WDR11: variants seen among roughly 807,000 people sequenced by gnomAD.
The protein encoded by WDR11 is WD repeat-containing protein 11.
WDR11 carries 83 observed loss-of-function variants against 151.2 expected under a neutral mutation model. The ratio of observed to expected loss-of-function variants is 0.55; its 90% CI spans 0.46 to 0.66. The LOEUF (loss-of-function observed/expected upper bound fraction) is 0.66, where lower values mean the gene tolerates loss of function less well. Among genes scored for constraint, WDR11 ranks in the 30% least tolerant of loss-of-function variants. WDR11 has a pLI of 0.00. For synonymous variants in WDR11, 484 were observed against 533.1 expected, an observed-to-expected ratio of 0.91 and a Z score of 1.27; for missense variants, 1,301 against 1,480.9, an observed-to-expected ratio of 0.88 and a Z score of 1.99.
At position 120,871,989 on chromosome 10, in the gene WDR11, T is replaced by C. The variant is rs182052106; in HGVS notation, c.1471+643T>C. On this transcript the variant is annotated intron_variant, in intron 10 of 28. Coordinates refer to ENST00000263461, the MANE Select transcript of WDR11 (RefSeq NM_018117.12). Reference sequence around the variant, plus strand: ...TTAGTTTGCTATTAAGTACACATTATTAAAATACATTTCTCCAAAACTTCT... The same window carrying C: ...TTAGTTTGCTATTAAGTACACATTACTAAAATACATTTCTCCAAAACTTCT... 5.0e-4 allele frequency among the ~76,000 whole-genome samples: 76 copies of C among 152,364 alleles called. 1 individual carries two copies. The highest frequency in any genetic ancestry group is 8.8e-5 in the Non-Finnish European group (6 of 68,034).
At chr10:120,884,431 T>TC in intron 14 of WDR11, among the ~76,000 whole-genome samples, 2 of 152,188 alleles carry the variant, frequency 1.3e-5, no homozygotes, top group South Asian at 4.2e-4. Context: ...GAAAACTGTC[T>TC]CACTTTATGG....
chr10:120,900,889 ATTG>A (rs902477620), intron 20 of WDR11, 144 bp from the exon 21 acceptor site: 20 of 659,212 alleles, frequency 3.0e-5, no homozygotes, highest in South Asian at 2.7e-4. Flanking sequence ...TCCTGAGTAG[ATTG>A]TTGTTATTTT....
chr10:120,871,402 T>G, intron 10 of WDR11, 56 bp downstream of exon 10: 2 of 1,522,650 alleles, frequency 1.3e-6, no homozygotes, highest in Non-Finnish European at 1.8e-6. Flanking sequence ...ATGTTTAGGT[T>G]TTCTAGTTTC....
chr10:120,880,880 T>A lies in WDR11; in HGVS notation c.1718T>A (p.Met573Lys), dbSNP rs1846980016. Residue 573 changes from methionine (M) to lysine (K), a missense_variant, in exon 13 of 29, where the codon ATG (methionine) becomes AAG (lysine). This residue lies in a region of WDR11 where 692 missense variants were observed against 762.5 expected (regional missense o/e 0.91). Transcript: ENST00000263461. ...ERGNDESAIE[M>K]IKVSHLKQYL... ...GGCAATGATGAATCTGCCATCGAAA[T>A]GATTAAAGTATCTCATTTGAAGTAA... 1 of 1,602,372 alleles carries A rather than the reference T, an allele frequency of 6.2e-7. No homozygotes were observed. Among genetic ancestry groups the A allele is most frequent in the African/African-American group, 1.3e-5 (1 of 74,776 alleles).
Position 120,908,734 on chromosome 10 carries a change from A to T in WDR11, c.*21A>T, listed in dbSNP as rs1337201898. The T allele has an allele frequency of 6.2e-7, 1 of 1,613,304 alleles. No individual in the cohort carries two copies. Among genetic ancestry groups the T allele is most frequent in the East Asian group, 2.2e-5 (1 of 44,882 alleles). ...AGTGACAGCTTAATAAATGCCAGGG[A>T]ATCTGACCTGGAAGGCAGATGGGAG... On this transcript the variant is annotated 3_prime_UTR_variant, in exon 29 of 29. Coordinates refer to ENST00000263461, the MANE Select transcript of WDR11 (RefSeq NM_018117.12).
At chr10:120,895,617 G>C (rs1847585938) in intron 19 of WDR11, among the ~76,000 whole-genome samples, 2 of 152,110 alleles carry the variant, frequency 1.3e-5, no homozygotes, top group Admixed American at 1.3e-4. Context: ...TAATTCACAA[G>C]TCACAGACTG....
Position 120,866,563 on chromosome 10 carries a change from G to T in WDR11, c.995-6G>T. 1 of 1,614,106 alleles carries T rather than the reference G, an allele frequency of 6.2e-7. No homozygotes were observed. Reference sequence around the variant, plus strand: ...TTTCTGATATTTAAAACAATTTTATGTGAAGATCCAGATCCAGTTCAGGAG... The same window carrying T: ...TTTCTGATATTTAAAACAATTTTATTTGAAGATCCAGATCCAGTTCAGGAG... On this transcript the variant is annotated splice_polypyrimidine_tract_variant and splice_region_variant and intron_variant, in intron 7 of 28. Coordinates refer to ENST00000263461, the MANE Select transcript of WDR11 (RefSeq NM_018117.12).
In WDR11 at chr10:120,900,041, G is replaced by A; in HGVS notation, c.2528G>A (p.Cys843Tyr). 6.2e-7 allele frequency: 1 copy of A among 1,613,664 alleles called. No homozygotes were observed. Among genetic ancestry groups the A allele is most frequent in the Admixed American group, 1.7e-5 (1 of 60,004 alleles). Residue 843 changes from cysteine to tyrosine, a missense_variant, in exon 20 of 29, where the codon TGC becomes TAC. Coordinates refer to ENST00000263461, the MANE Select transcript of WDR11 (RefSeq NM_018117.12). Reference sequence around the variant, plus strand: ...CTTTGTTGTCTAGAGCCTGTGTGGTGCCCCTATCTCCTTGTTCCAAGGGCC... The same window carrying A: ...CTTTGTTGTCTAGAGCCTGTGTGGTACCCCTATCTCCTTGTTCCAAGGGCC... ...DEQELTEPVWCPYLLVPRASL... is the reference protein window; with the variant it reads ...DEQELTEPVWYPYLLVPRASL...
At chr10:120,902,441 ATTTAACTTAAAATAATTT>A in intron 22 of WDR11, 119 bp downstream of exon 22, 1 of 833,828 alleles carries the variant, frequency 1.2e-6, no homozygotes, top group Non-Finnish European at 1.9e-6. Flanking sequence ...CATCCTTTAG[ATTTAACTTAAAATAATTT>A]TGACAGTAGT....
chr10:120,893,108 C>T (rs1172790985), intron 19 of WDR11, among the ~76,000 whole-genome samples: 1 of 151,262 alleles, frequency 6.6e-6, no homozygotes, highest in Non-Finnish European at 1.5e-5. Flanking sequence ...TGGTGTGCTG[C>T]ACCCATTAAC....
intron 19 of WDR11, among the ~76,000 whole-genome samples, chr10:120,894,544 C>T (rs1847538858): frequency 6.6e-6 from 1 of 152,224 alleles, no homozygotes; most frequent in African/African-American, 2.4e-5. Flanking sequence ...TTGAATCACA[C>T]TGAACAAAAT....
chr10:120,862,596 C>A lies in WDR11; in HGVS notation c.527-139C>A, dbSNP rs74158332. 14,987 of 874,348 alleles carry A rather than the reference C, an allele frequency of 0.017. 1,454 individuals are homozygous for A. The African/African-American group carries it at 0.22, about 13-fold the overall frequency. The allele number at this position is 874,348 out of a possible 1,614,324, so 54.2% of individuals were successfully genotyped here. On this transcript the variant is annotated intron_variant, in intron 4 of 28. Coordinates refer to ENST00000263461, the MANE Select transcript of WDR11 (RefSeq NM_018117.12). ...TTCTCTTCAACTTAGAGAACATTCC[C>A]ATTATGTTATGAATGCATAACATTG...
chr10:120,905,247 A>G, intron 25 of WDR11, 72 bp from the exon 26 acceptor site: 1 of 1,471,728 alleles, frequency 6.8e-7, no homozygotes, highest in Non-Finnish European at 9.5e-7. Flanking sequence ...TCAAATGGGG[A>G]TTTAACTTTT....
intron 23 of WDR11, 152 bp downstream of exon 23, chr10:120,903,384 C>T (rs1847904171): frequency 6.4e-6 from 6 of 940,270 alleles, no homozygotes; most frequent in Non-Finnish European, 9.7e-6. Flanking sequence ...GTGGCACGTG[C>T]CTGTAGTCCC....
At chr10:120,901,668 T>C (rs1158155683) in intron 21 of WDR11, among the ~76,000 whole-genome samples, 5 of 152,234 alleles carry the variant, frequency 3.3e-5, no homozygotes, top group African/African-American at 1.2e-4. Flanking sequence ...ATTATAGTAT[T>C]TAACAAATTA....
intron 23 of WDR11, 142 bp from the exon 24 acceptor site, chr10:120,903,901 ATGTT>A (rs1847934096): frequency 5.0e-6 from 3 of 605,656 alleles, no homozygotes; most frequent in Admixed American, 5.8e-5. Flanking sequence ...TTCTTATTAA[ATGTT>A]TGGGGTGCTG....
At chr10:120,906,979 T>C in intron 28 of WDR11, 124 bp downstream of exon 28, 2 of 1,439,150 alleles carry the variant, frequency 1.4e-6, no homozygotes, top group Non-Finnish European at 1.9e-6. Flanking sequence ...CATGTTCTGA[T>C]TTTCTGATTC....
chr10:120,890,764 A>G lies in WDR11; in HGVS notation c.2392A>G (p.Ile798Val), dbSNP rs954718074. 2 of 1,614,184 alleles carry G rather than the reference A, an allele frequency of 1.2e-6. No homozygotes were observed. The highest frequency in any genetic ancestry group is 1.7e-5 in the Admixed American group (1 of 60,030). ...AAGTGGCAGAAATGTGACCTTTCGTATATTGGATGTGGACTGGTGTACGTC... is the reference window on the plus strand; with the variant it reads ...AAGTGGCAGAAATGTGACCTTTCGTGTATTGGATGTGGACTGGTGTACGTC... ...LRSGRNVTFR[I>V]LDVDWCTSDK... Residue 798 changes from isoleucine to valine, a missense_variant, in exon 19 of 29, where the codon ATA becomes GTA. Ile to Val is a conservative substitution (Grantham distance 29). Transcript: ENST00000263461.
At chr10:120,895,156 C>T (rs532683117) in intron 19 of WDR11, among the ~76,000 whole-genome samples, 1 of 152,308 alleles carries the variant, frequency 6.6e-6, no homozygotes, top group African/African-American at 2.4e-5. Flanking sequence ...AATTACCACA[C>T]AGCATGAGAA....
Sources: gnomAD v4.1 joint callset for allele counts (sites outside exome capture counted in the v4.1 genomes callset) on GRCh38, gnomAD v4.1.1 for gene constraint, gnomAD v4.1.1 regional missense constraint, MANE v1.5 for transcripts, NCBI Gene and HGNC (gene_info 2026-07-23, HGNC 2026-07-21) for gene names.